NAT8L: variants seen among roughly 807,000 people sequenced by gnomAD.
NAT8L encodes N-acetylaspartate synthetase.
Under a neutral mutation model 21.2 loss-of-function variants are expected in NAT8L, and 6 were observed. The observed-to-expected ratio is 0.28, with a 90% CI of 0.16 to 0.56. NAT8L has a LOEUF of 0.56. NAT8L is among the 20% of genes least tolerant of loss of function. The pLI, the probability that NAT8L is intolerant of heterozygous loss-of-function variation, is 0.93. For synonymous variants in NAT8L, 239 were observed against 204.9 expected, an observed-to-expected ratio of 1.17 and a Z score of -1.42; for missense variants, 331 against 433.3, an observed-to-expected ratio of 0.76 and a Z score of 2.10.
chr4:2,061,015 A>T lies in NAT8L; in HGVS notation c.394A>T (p.Ser132Cys). 1 of 1,555,448 alleles carries T rather than the reference A, an allele frequency of 6.4e-7. No homozygotes were observed. The highest frequency in any genetic ancestry group is 8.7e-7 in the Non-Finnish European group (1 of 1,148,864). The change falls in exon 2 of 3, where the codon AGC becomes TGC. Residue 132 changes from serine to cysteine, a missense_variant. Physicochemically the swap from Ser to Cys is moderately radical, Grantham distance 112. Around this residue, in one of 2 missense-constraint regions of NAT8L, gnomAD observed 199 missense variants for 196.1 expected, o/e 1.01. Transcript: ENST00000423729. ...GCCCCCAGCGCTGTGCTTCGCCGTGAGCCGCTCGCTGCTGCTGACGTGCCT... is the reference window on the plus strand; with the variant it reads ...GCCCCCAGCGCTGTGCTTCGCCGTGTGCCGCTCGCTGCTGCTGACGTGCCT... ...ALLAALCFAV[S>C]RSLLLTCLVP...
rs1729913502 is a variant in NAT8L, at chr4:2,062,535, C to T, written c.542-1225C>T. 2.0e-5 allele frequency among the ~76,000 whole-genome samples: 3 copies of T among 151,974 alleles called. No homozygotes were observed. In the South Asian group the frequency reaches 6.2e-4, roughly 31 times the overall value. ...GGACAGGGGGCCGAGGAGGGGCAGC[C>T]CTCCTGGGAACCCTGGAGCTGCACA... On this transcript the variant is annotated intron_variant, in intron 2 of 2. Transcript: ENST00000423729.
chr4:2,059,903 C>CG lies in NAT8L; in HGVS notation c.376+16_376+17insG. 1 of 1,264,224 alleles carries CG rather than the reference C, an allele frequency of 7.9e-7. No homozygotes were observed. Among genetic ancestry groups the CG allele is most frequent in the Non-Finnish European group, 1.0e-6 (1 of 995,106 alleles). The allele number at this position is 1,264,224 out of a possible 1,614,324, so 78.3% of individuals were successfully genotyped here. A position where few individuals can be genotyped will look rare whatever the true frequency, so the allele number is the denominator to read the frequency against. On this transcript the variant is annotated intron_variant, in intron 1 of 2. Coordinates refer to ENST00000423729, the MANE Select transcript of NAT8L (RefSeq NM_178557.4). The surrounding 1 kb of genome is among the most constrained non-coding windows in gnomAD (Gnocchi z 4.8). The stretch of plus-strand genomic sequence containing the variant: ...CTGCTGGCGGGTCAGTGCGCCGGGC[C>CG]CCCGGCTGCCGCAGTCCCTCGGGCC...
rs1277716045 is a variant in NAT8L at position 2,061,026 on chromosome 4, G to T, written c.405G>T (p.Leu135=). 1.3e-6 allele frequency: 2 copies of T among 1,574,836 alleles called. No individual in the cohort carries two copies. Among genetic ancestry groups the T allele is most frequent in the East Asian group, 2.4e-5 (1 of 41,944 alleles). ...TGTGCTTCGCCGTGAGCCGCTCGCT[G>T]CTGCTGACGTGCCTGGTGCCGGCCG... ...AALCFAVSRS[L]LLTCLVPAAL... Residue 135 remains leucine (L), a synonymous_variant, in exon 2 of 3, where the codon CTG becomes CTT. Coordinates refer to ENST00000423729, the MANE Select transcript of NAT8L (RefSeq NM_178557.4).
rs1729948871 is a variant in NAT8L, at chr4:2,064,195, G to C, written c.*68G>C. 2 of 1,104,238 alleles carry C rather than the reference G, an allele frequency of 1.8e-6. No individual in the cohort carries two copies. The highest frequency in any genetic ancestry group is 9.9e-5 in the East Asian group (2 of 20,226). The allele number at this position is 1,104,238 out of a possible 1,614,324, so 68.4% of individuals were successfully genotyped here. ...CCTTTGCCCGCCTGCCCGCCGCCCG[G>C]CGCGGCCTGCTTTCAGACGCTCAAT... On this transcript the variant is annotated 3_prime_UTR_variant, in exon 3 of 3. Transcript: ENST00000423729.
chr4:2,059,784 G>C lies in NAT8L; in HGVS notation c.273G>C (p.Ala91=). 1 of 1,363,748 alleles carries C rather than the reference G, an allele frequency of 7.3e-7. No homozygotes were observed. Among genetic ancestry groups the C allele is most frequent in the Non-Finnish European group, 9.5e-7 (1 of 1,047,432 alleles). 84.5% of individuals were successfully genotyped at this position (1,363,748 alleles called of 1,614,324 possible). A position where few individuals can be genotyped will look rare whatever the true frequency, so the allele number is the denominator to read the frequency against. ...TCCGTGCGGCCGAGCAGGAGGCGGC[G>C]CGCCGCATCTTCTACGACGGCATCA... is the stretch of plus-strand genomic sequence containing the variant. ...REFRAAEQEA[A]RRIFYDGIME... The change falls in exon 1 of 3, where the codon GCG becomes GCC. Residue 91 remains alanine (A), a synonymous_variant. Coordinates refer to ENST00000423729, the MANE Select transcript of NAT8L (RefSeq NM_178557.4). This position sits in a 1 kb window ranked among gnomAD's most constrained non-coding sequence, Gnocchi z 4.8.
At chr4:2,061,235 A>G (rs1729853420) in intron 2 of NAT8L, 73 bp downstream of exon 2, 1 of 1,591,594 alleles carries the variant, frequency 6.3e-7, no homozygotes, top group Non-Finnish European at 8.6e-7. Context: ...CAGCGACCTC[A>G]GGGCAGGCCT....
Position 2,064,250 on chromosome 4 carries a change from A to C in NAT8L, c.*123A>C. 1.6e-6 allele frequency: 1 copy of C among 626,896 alleles called. No individual in the cohort carries two copies. Among genetic ancestry groups the C allele is most frequent in the African/African-American group, 2.0e-5 (1 of 49,946 alleles). The allele number at this position is 626,896 out of a possible 1,614,324, so 38.8% of individuals were successfully genotyped here. A position where few individuals can be genotyped will look rare whatever the true frequency, so the allele number is the denominator to read the frequency against. The stretch of plus-strand genomic sequence containing the variant: ...GTTTGTGTTGGGTTTCCCCTTTTCA[A>C]CATCCTGCGGTTGTCTGGCTGGTTC... On this transcript the variant is annotated 3_prime_UTR_variant, in exon 3 of 3. Coordinates refer to ENST00000423729, the MANE Select transcript of NAT8L (RefSeq NM_178557.4).
rs1730069402 is a variant in NAT8L at position 2,068,945 on chromosome 4, G to A, written c.*4818G>A. On this transcript the variant is annotated 3_prime_UTR_variant, in exon 3 of 3. Transcript: ENST00000423729. ...CCACGGCGGGGGCAGATTGTTCTGAGGCCCCAGATGTGCCAAAACAGCCCC... is the reference window on the plus strand; with the variant it reads ...CCACGGCGGGGGCAGATTGTTCTGAAGCCCCAGATGTGCCAAAACAGCCCC... The A allele has an allele frequency of 6.6e-6, 1 of 152,120 alleles. No homozygotes were observed. Among genetic ancestry groups the A allele is most frequent in the South Asian group, 2.1e-4 (1 of 4,834 alleles). 9.4% of individuals were successfully genotyped at this position (152,120 alleles called of 1,614,324 possible).
chr4:2,060,029 G>T lies in NAT8L; in HGVS notation c.376+142G>T. The T allele has an allele frequency of 2.5e-6, 1 of 393,002 alleles. No homozygotes were observed. The highest frequency in any genetic ancestry group is 3.8e-6 in the Non-Finnish European group (1 of 263,498). 24.3% of individuals were successfully genotyped at this position (393,002 alleles called of 1,614,324 possible). A position where few individuals can be genotyped will look rare whatever the true frequency, so the allele number is the denominator to read the frequency against. ...CGCTTTCTGCCGCGCCGGGCCCCGC[G>T]CAGGGCTGGCTATGGGCGTGGGGAT... On this transcript the variant is annotated intron_variant, in intron 1 of 2. Transcript: ENST00000423729. The surrounding 1 kb of genome is among the most constrained non-coding windows in gnomAD (Gnocchi z 4.7).
In NAT8L at chr4:2,063,728, C is replaced by T. The variant is rs539409335; in HGVS notation, c.542-32C>T. 7.5e-6 allele frequency: 12 copies of T among 1,607,506 alleles called. No individual in the cohort carries two copies. The Admixed American group carries it at 1.0e-4, about 13-fold the overall frequency. On this transcript the variant is annotated intron_variant, in intron 2 of 2. Transcript: ENST00000423729. ...GGAGGGGTCTCCCCAGCCTTCCTCACCGGGTGTCCCTGACCGCCCTATCCC... is the reference window on the plus strand; with the variant it reads ...GGAGGGGTCTCCCCAGCCTTCCTCATCGGGTGTCCCTGACCGCCCTATCCC...
In NAT8L at chr4:2,061,143, G is replaced by A; in HGVS notation, c.522G>A (p.Gln174=). The A allele has an allele frequency of 6.2e-7, 1 of 1,611,306 alleles. No individual in the cohort carries two copies. The highest frequency in any genetic ancestry group is 8.5e-7 in the Non-Finnish European group (1 of 1,179,120). Residue 174 remains glutamine (Q), a synonymous_variant, in exon 2 of 3, where the codon CAG becomes CAA. Coordinates refer to ENST00000423729, the MANE Select transcript of NAT8L (RefSeq NM_178557.4). ...ALHTDMADIE[Q]YYMKPPGSCF... The stretch of plus-strand genomic sequence containing the variant: ...ACACGGACATGGCGGACATCGAGCA[G>A]TACTACATGAAGCCGCCCGGTGAGT...
At chr4:2,062,746 G>A (rs1729918370) in intron 2 of NAT8L, among the ~76,000 whole-genome samples, 2 of 152,130 alleles carry the variant, frequency 1.3e-5, no homozygotes, top group African/African-American at 4.8e-5. Flanking sequence ...CTGTGCAGAG[G>A]GGCAATGGGG....
Position 2,059,740 on chromosome 4 carries a change from G to C in NAT8L, c.229G>C (p.Gly77Arg). Residue 77 changes from glycine (G) to arginine (R), a missense_variant, in exon 1 of 3, where the codon GGC becomes CGC. By Grantham distance (125) the Gly-to-Arg change is moderately radical. Transcript: ENST00000423729. The surrounding 1 kb of genome is among the most constrained non-coding windows in gnomAD (Gnocchi z 4.8). ...GGGCGCGGGGCCGCCGGGGGGGCGC[G>C]GCGTGTGCATCCGCGAGTTCCGTGC... Reference protein sequence around the residue: ...AGGAGPPGGRGVCIREFRAAE... With the variant: ...AGGAGPPGGRRVCIREFRAAE... The C allele has an allele frequency of 8.2e-7, 1 of 1,218,738 alleles. No homozygotes were observed. Among genetic ancestry groups the C allele is most frequent in the Middle Eastern group, 3.3e-4 (1 of 3,048 alleles). 75.5% of individuals were successfully genotyped at this position (1,218,738 alleles called of 1,614,324 possible). A position where few individuals can be genotyped will look rare whatever the true frequency, so the allele number is the denominator to read the frequency against.
At position 2,064,200 on chromosome 4, in the gene NAT8L, G is replaced by GCCTGCTTTCA. The variant is rs1729949132; in HGVS notation, c.*74_*83dup. The GCCTGCTTTCA allele has an allele frequency of 9.2e-7, 1 of 1,085,056 alleles. No homozygotes were observed. Among genetic ancestry groups the GCCTGCTTTCA allele is most frequent in the African/African-American group, 1.7e-5 (1 of 58,634 alleles). 67.2% of individuals were successfully genotyped at this position (1,085,056 alleles called of 1,614,324 possible). ...GCCCGCCTGCCCGCCGCCCGGCGCG[G>GCCTGCTTTCA]CCTGCTTTCAGACGCTCAATTGGCG... On this transcript the variant is annotated 3_prime_UTR_variant, in exon 3 of 3. Transcript: ENST00000423729.
In NAT8L at chr4:2,063,959, C is replaced by A; in HGVS notation, c.741C>A (p.Gly247=). The change falls in exon 3 of 3, where the codon GGC becomes GGA. Residue 247 remains glycine (G), a synonymous_variant. Transcript: ENST00000423729. The part of the protein sequence containing the change: ...VVHNYSAVVL[G]TTAVKVAAHK... ...ACAACTACTCCGCGGTGGTGCTGGGCACGACGGCCGTCAAGGTGGCCGCCC... is the reference window on the plus strand; with the variant it reads ...ACAACTACTCCGCGGTGGTGCTGGGAACGACGGCCGTCAAGGTGGCCGCCC... 1 of 1,611,688 alleles carries A rather than the reference C, an allele frequency of 6.2e-7. No homozygotes were observed. Among genetic ancestry groups the A allele is most frequent in the African/African-American group, 1.3e-5 (1 of 75,058 alleles).
Position 2,059,478 on chromosome 4 carries a change from C to G in NAT8L, c.-34C>G. The G allele has an allele frequency of 8.4e-6, 8 of 947,186 alleles. No individual in the cohort carries two copies. The highest frequency in any genetic ancestry group is 1.0e-5 in the Non-Finnish European group (8 of 797,892). The allele number at this position is 947,186 out of a possible 1,614,324, so 58.7% of individuals were successfully genotyped here. On this transcript the variant is annotated 5_prime_UTR_variant, in exon 1 of 3. Coordinates refer to ENST00000423729, the MANE Select transcript of NAT8L (RefSeq NM_178557.4). The surrounding 1 kb of genome is among the most constrained non-coding windows in gnomAD (Gnocchi z 4.8). Reference sequence around the variant, plus strand: ...CCGGCCGTGCCCGCCGCCGCCCGGCCGCGTCCCCGCTGCCGCGCCGCCCGG... The same window carrying G: ...CCGGCCGTGCCCGCCGCCGCCCGGCGGCGTCCCCGCTGCCGCGCCGCCCGG...
rs1730024455 is a variant in NAT8L at position 2,067,305 on chromosome 4, G to C, written c.*3178G>C. 6.6e-6 allele frequency: 1 copy of C among 152,460 alleles called. No individual in the cohort carries two copies. Among genetic ancestry groups the C allele is most frequent in the South Asian group, 2.1e-4 (1 of 4,840 alleles). 9.4% of individuals were successfully genotyped at this position (152,460 alleles called of 1,614,324 possible). A position where few individuals can be genotyped will look rare whatever the true frequency, so the allele number is the denominator to read the frequency against. The stretch of plus-strand genomic sequence containing the variant: ...AGCTGCCCCCGGAGGGAGGGGCCAA[G>C]GGCTGGGTCAGTCTGGCCTGAGGGG... On this transcript the variant is annotated 3_prime_UTR_variant, in exon 3 of 3. Transcript: ENST00000423729.
intron 2 of NAT8L, among the ~76,000 whole-genome samples, chr4:2,062,025 A>G (rs1729903613): frequency 6.6e-6 from 1 of 152,082 alleles, no homozygotes; most frequent in Non-Finnish European, 1.5e-5. Context: ...AGAGCATCTG[A>G]GCAGCCCCTG....
intron 2 of NAT8L, among the ~76,000 whole-genome samples, chr4:2,063,206 T>C (rs1450054253): frequency 6.6e-6 from 1 of 152,278 alleles, no homozygotes; most frequent in Non-Finnish European, 1.5e-5. Flanking sequence ...CGCACTTTGC[T>C]GACCCCTGCC....
Sources: allele counts gnomAD v4.1 joint callset (sites outside exome capture counted in the v4.1 genomes callset), GRCh38; gene constraint gnomAD v4.1.1; regional missense constraint gnomAD v4.1.1; non-coding constraint Gnocchi (gnomAD v3.1); transcripts MANE v1.5; gene names NCBI Gene and HGNC (gene_info 2026-07-23, HGNC 2026-07-21).